Variants in CEP128 observed in about 807,000 individuals in gnomAD.
CEP128 encodes the protein centrosomal protein 128kDa.
Under a neutral mutation model 156.7 loss-of-function variants are expected in CEP128, and 132 were observed. The ratio of observed to expected loss-of-function variants is 0.84; its 90% confidence interval spans 0.73 to 0.97. CEP128 has a LOEUF of 0.97. CEP128 is among the 50% of genes least tolerant of loss of function. The pLI, the probability that CEP128 is intolerant of heterozygous loss-of-function variation, is 0.00. For missense variants in CEP128, 1,252 were observed against 1,281.9 expected, an observed-to-expected ratio of 0.98 and a Z score of 0.36; for synonymous variants, 469 against 448.9, an observed-to-expected ratio of 1.04 and a Z score of -0.57.
intron 19 of CEP128, among the ~76,000 whole-genome samples, chr14:80,693,706 G>A (rs2371334): frequency 0.84 from 127,589 of 152,122 alleles, 53,769 homozygotes; most frequent in East Asian, 0.98. Context: ...ATATATGGAT[G>A]TGTTTAAGTG....
At chr14:80,498,603 G>A (rs1887600518) in intron 24 of CEP128, among the ~76,000 whole-genome samples, 1 of 152,178 alleles carries the variant, frequency 6.6e-6, no homozygotes, top group Non-Finnish European at 1.5e-5. Flanking sequence ...CTCAGCTGCT[G>A]CTTCTTGCCA....
chr14:80,954,923 G>A (rs1886572469), intron 2 of CEP128: 1 of 152,820 alleles, frequency 6.5e-6, no homozygotes, highest in Admixed American at 6.5e-5. Flanking sequence ...CCAGCAGATG[G>A]CCCCAAAGTT....
rs573166508 is a variant in CEP128, at chr14:80,699,538, C to CATTGT, written c.2806+43532_2806+43536dup. 4.2e-3 allele frequency among the ~76,000 whole-genome samples: 637 copies of CATTGT among 152,230 alleles called. 6 individuals carry two copies. Among genetic ancestry groups the CATTGT allele is most frequent in the African/African-American group, 0.015 (622 of 41,536 alleles). ...TCTAAATTATGAACAAAATTATTGACATTGTAACTTCATTTAGTATATGCC... is the reference window on the plus strand; with the variant it reads ...TCTAAATTATGAACAAAATTATTGACATTGTATTGTAACTTCATTTAGTATATGCC... On this transcript the variant is annotated intron_variant, in intron 19 of 24. Transcript: ENST00000555265.
chr14:80,676,085 A>T (rs191039370), intron 19 of CEP128, among the ~76,000 whole-genome samples: 1 of 152,294 alleles, frequency 6.6e-6, no homozygotes, highest in Non-Finnish European at 1.5e-5. Context: ...TTCTATAATA[A>T]GTGTTGCTGG....
At chr14:80,601,473 T>C (rs982819551) in intron 19 of CEP128, among the ~76,000 whole-genome samples, 6 of 152,186 alleles carry the variant, frequency 3.9e-5, no homozygotes, top group African/African-American at 1.4e-4. Flanking sequence ...CATAATGTTT[T>C]AAGAAAGTTT....
chr14:80,805,201 T>G (rs1378945323), intron 13 of CEP128, among the ~76,000 whole-genome samples: 1 of 152,028 alleles, frequency 6.6e-6, no homozygotes, highest in Non-Finnish European at 1.5e-5. Flanking sequence ...CTCTAGGTTT[T>G]GGGATAAAAA....
intron 18 of CEP128, among the ~76,000 whole-genome samples, chr14:80,750,895 T>G (rs990260543): frequency 4.6e-5 from 7 of 152,146 alleles, no homozygotes; most frequent in African/African-American, 1.7e-4. Context: ...GATGGGGCCT[T>G]TAGGGAGGAA....
intron 19 of CEP128, among the ~76,000 whole-genome samples, chr14:80,613,948 T>C (rs929350997): frequency 3.3e-5 from 5 of 152,212 alleles, no homozygotes; most frequent in Admixed American, 6.5e-5. Context: ...TAATGATTTA[T>C]GTAAAAAGAT....
intron 13 of CEP128, chr14:80,830,365 A>G: frequency 2.4e-6 from 1 of 409,912 alleles, no homozygotes; most frequent in East Asian, 3.5e-5. Context: ...TTTTAACACT[A>G]ATTTTCTACC....
At chr14:80,505,611 A>G (rs1300026463) in intron 23 of CEP128, among the ~76,000 whole-genome samples, 1 of 152,212 alleles carries the variant, frequency 6.6e-6, no homozygotes, top group Non-Finnish European at 1.5e-5. Context: ...CACTCATTTA[A>G]TAAATATTTA....
intron 7 of CEP128, among the ~76,000 whole-genome samples, chr14:80,899,147 C>G (rs1174211434): frequency 1.3e-5 from 2 of 152,114 alleles, no homozygotes; most frequent in Admixed American, 6.6e-5. Flanking sequence ...TCATTACAGC[C>G]TATACTTGAT....
chr14:80,787,218 T>TG (rs1901455791), intron 14 of CEP128, among the ~76,000 whole-genome samples: 1 of 152,182 alleles, frequency 6.6e-6, no homozygotes, highest in African/African-American at 2.4e-5. Context: ...GGCGCTTGTC[T>TG]GGAGGTTCTG....
At chr14:80,707,196 T>C (rs1897260411) in intron 19 of CEP128, among the ~76,000 whole-genome samples, 1 of 152,158 alleles carries the variant, frequency 6.6e-6, no homozygotes, top group African/African-American at 2.4e-5. Flanking sequence ...GACTGTGGGT[T>C]CTATTTAAAT....
rs567036997 is a variant in CEP128 at position 80,528,311 on chromosome 14, C to T, written c.2959-1329G>A. 2.4e-3 allele frequency among the ~76,000 whole-genome samples: 358 copies of T among 152,246 alleles called. 4 individuals are homozygous for T. Among genetic ancestry groups the T allele is most frequent in the African/African-American group, 7.6e-3 (315 of 41,550 alleles). On this transcript the variant is annotated intron_variant, in intron 22 of 24. Coordinates refer to ENST00000555265, the MANE Select transcript of CEP128 (RefSeq NM_152446.5). ...AAACAATTCTTTTTTATTTTTGAGA[C>T]GGAGTCTCACTCTGTCACCCAGGCT... is the stretch of plus-strand genomic sequence containing the variant.
chr14:80,743,172 C>T lies in CEP128; in HGVS notation c.2709G>A (p.Arg903=). 3.7e-6 allele frequency: 6 copies of T among 1,613,700 alleles called. No individual in the cohort carries two copies. Among genetic ancestry groups the T allele is most frequent in the Non-Finnish European group, 5.1e-6 (6 of 1,179,786 alleles). The change falls in exon 19 of 25, where the codon AGG becomes AGA. Residue 903 remains arginine (R), a synonymous_variant. Transcript: ENST00000555265. The part of the protein sequence containing the change: ...HQLMLCRQQL[R]NLTENKESEL... Reference sequence around the variant, plus strand: ...CAGATTCCTTGTTTTCAGTCAAATTCCTGAGTTGTTGTCTGCAGAGCATCA... The same window carrying T: ...CAGATTCCTTGTTTTCAGTCAAATTTCTGAGTTGTTGTCTGCAGAGCATCA...
intron 19 of CEP128, among the ~76,000 whole-genome samples, chr14:80,605,630 A>G (rs541642745): frequency 9.2e-5 from 14 of 152,218 alleles, no homozygotes; most frequent in African/African-American, 2.9e-4. Flanking sequence ...GGATTTTTTC[A>G]CAAATGGATT....
intron 2 of CEP128, among the ~76,000 whole-genome samples, chr14:80,931,845 C>T (rs931408710): frequency 6.6e-6 from 1 of 152,322 alleles, no homozygotes; most frequent in South Asian, 2.1e-4. Flanking sequence ...GAGCCAGGGC[C>T]TTCTTTCTCC....
intron 19 of CEP128, among the ~76,000 whole-genome samples, chr14:80,657,703 T>C (rs1895235085): frequency 6.6e-6 from 1 of 152,046 alleles, no homozygotes; most frequent in South Asian, 2.1e-4. Context: ...GAAGTAGCTG[T>C]ATTTAGTGTG....
chr14:80,580,430 T>C lies in CEP128; in HGVS notation c.2807-7A>G, dbSNP rs762229650. 3.2e-6 allele frequency: 5 copies of C among 1,574,934 alleles called. No individual in the cohort carries two copies. The South Asian group carries it at 4.5e-5, about 14-fold the overall frequency. ...TGGGTCTCTTCCAGTAGATCTGTAA[T>C]AAGAAAGTAAAATACCCATCAAAAT... is the stretch of plus-strand genomic sequence containing the variant. On this transcript the variant is annotated splice_polypyrimidine_tract_variant and splice_region_variant and intron_variant, in intron 19 of 24. Coordinates refer to ENST00000555265, the MANE Select transcript of CEP128 (RefSeq NM_152446.5).
Sources: allele counts gnomAD v4.1 joint callset (sites outside exome capture counted in the v4.1 genomes callset), GRCh38; gene constraint gnomAD v4.1.1; transcripts MANE v1.5; gene names NCBI Gene and HGNC (gene_info 2026-07-23, HGNC 2026-07-21).